The following DCAF16 variants were observed in gnomAD, a reference collection of about 807,000 sequenced individuals.
The protein encoded by DCAF16 is DDB1- and CUL4-associated factor 16.
A neutral mutation model predicts 17.3 loss-of-function variants in DCAF16; 10 were observed. That is an observed-to-expected ratio of 0.58 (90% CI 0.36 to 0.98). The LOEUF is 0.98. Ranked by LOEUF, DCAF16 falls within the 50% of genes least tolerant of loss-of-function variation. The pLI is 0.01. For synonymous variants in DCAF16, 111 were observed against 92.8 expected, an observed-to-expected ratio of 1.20 and a Z score of -1.12; for missense variants, 249 against 247.6, an observed-to-expected ratio of 1.01 and a Z score of -0.04.
chr4:17,808,614 CAA>C (rs76992214), intron 1 of DCAF16, among the ~76,000 whole-genome samples: 2 of 145,580 alleles, frequency 1.4e-5, no homozygotes, highest in African/African-American at 5.0e-5. Context: ...CAAAACAAAA[CAA>C]AAAAAAAAAC....
chr4:17,804,125 G>T lies in DCAF16; in HGVS notation c.17C>A (p.Pro6His), dbSNP rs896363127. MGPRN[P>H]SPDHLSESES... The stretch of plus-strand genomic sequence containing the variant: ...TGATTCTGACAAGTGGTCAGGAGAG[G>T]GATTTCTAGGACCCATCAGAATAAA... Residue 6 changes from proline (P) to histidine (H), a missense_variant, in exon 3 of 3, where the codon CCC becomes CAC. Coordinates refer to ENST00000382247, the MANE Select transcript of DCAF16 (RefSeq NM_017741.4). The T allele has an allele frequency of 1.9e-6, 3 of 1,613,432 alleles. No homozygotes were observed. The highest frequency in any genetic ancestry group is 2.5e-6 in the Non-Finnish European group (3 of 1,179,798).
rs1720011665 is a variant in DCAF16, at chr4:17,803,674, C to CA, written c.467dup (p.Leu156PhefsTer3). The CA allele has an allele frequency of 6.2e-7, 1 of 1,614,040 alleles. No individual in the cohort carries two copies. Among genetic ancestry groups the CA allele is most frequent in the Non-Finnish European group, 8.5e-7 (1 of 1,180,048 alleles). The stretch of plus-strand genomic sequence containing the variant: ...ATTCAGGTATGGGAGTGGCTCTACT[C>CA]AATGTTCGGCTTAGCTGTTTGGTGG... On this transcript the variant is annotated frameshift_variant, in exon 3 of 3. Transcript: ENST00000382247. LOFTEE classifies it high-confidence loss of function.
rs1488024139 is a variant in DCAF16, at chr4:17,801,231, C to G, written c.*2260G>C. On this transcript the variant is annotated 3_prime_UTR_variant, in exon 3 of 3. Coordinates refer to ENST00000382247, the MANE Select transcript of DCAF16 (RefSeq NM_017741.4). ...GCAACCTCCACCTCCCAGGTTCAAGCAATTCTCCTGTCTTAGCCTCCCAAG... is the reference window on the plus strand; with the variant it reads ...GCAACCTCCACCTCCCAGGTTCAAGGAATTCTCCTGTCTTAGCCTCCCAAG... 2 of 152,052 alleles carry G rather than the reference C, an allele frequency of 1.3e-5. No homozygotes were observed. The highest frequency in any genetic ancestry group is 4.8e-5 in the African/African-American group (2 of 41,368). 9.4% of individuals were successfully genotyped at this position (152,052 alleles called of 1,614,324 possible). A position where few individuals can be genotyped will look rare whatever the true frequency, so the allele number is the denominator to read the frequency against.
chr4:17,799,704 C>A (rs1719604473), downstream of DCAF16, among the ~76,000 whole-genome samples: 2 of 152,124 alleles, frequency 1.3e-5, no homozygotes, highest in Non-Finnish European at 2.9e-5. Context: ...ATAGAAGACC[C>A]AGCAGGAAGG....
Position 17,801,955 on chromosome 4 carries a change from T to C in DCAF16, c.*1536A>G, listed in dbSNP as rs1358560891. ...TGTCTCTACTAAAAATACAAAAAAA[T>C]AGCCAGGAGTGGTGGTGGACGCCTG... On this transcript the variant is annotated 3_prime_UTR_variant, in exon 3 of 3. Transcript: ENST00000382247. The C allele has an allele frequency of 3.3e-5, 5 of 151,944 alleles. No homozygotes were observed. Among genetic ancestry groups the C allele is most frequent in the Admixed American group, 2.6e-4 (4 of 15,214 alleles). The allele number at this position is 151,944 out of a possible 1,614,324, so 9.4% of individuals were successfully genotyped here. A position where few individuals can be genotyped will look rare whatever the true frequency, so the allele number is the denominator to read the frequency against.
At position 17,803,743 on chromosome 4, in the gene DCAF16, C is replaced by T. The variant is rs1177186199; in HGVS notation, c.399G>A (p.Arg133=). 5 of 1,614,098 alleles carry T rather than the reference C, an allele frequency of 3.1e-6. No individual in the cohort carries two copies. Among genetic ancestry groups the T allele is most frequent in the Non-Finnish European group, 4.2e-6 (5 of 1,180,038 alleles). ...TTAGAGTGGCATGATCTCTAGAGAG[C>T]CGGCTGGGACTTGTAAGAGGCTTTT... is the stretch of plus-strand genomic sequence containing the variant. The part of the protein sequence containing the change: ...PFQKPLTSPS[R]LSRDHATLNG... Residue 133 remains arginine (R), a synonymous_variant, in exon 3 of 3, where the codon CGG becomes CGA. Coordinates refer to ENST00000382247, the MANE Select transcript of DCAF16 (RefSeq NM_017741.4).
downstream of DCAF16, among the ~76,000 whole-genome samples, chr4:17,796,017 A>C (rs1719409579): frequency 6.6e-6 from 1 of 152,142 alleles, no homozygotes; most frequent in Admixed American, 6.6e-5. Context: ...ACATTCTGTT[A>C]ATCATTTTGT....
At chr4:17,796,695 G>C (rs1418046694), downstream of DCAF16, among the ~76,000 whole-genome samples, 1 of 152,142 alleles carries the variant, frequency 6.6e-6, no homozygotes, top group African/African-American at 2.4e-5. Context: ...GACAGGGTGA[G>C]TCTCCATCTC....
At chr4:17,794,639 A>C in the DCAF16 span, among the ~76,000 whole-genome samples, 142 of 152,342 alleles carry the variant, frequency 9.3e-4, no homozygotes, top group African/African-American at 3.3e-3. Context: ...AACAAATTGA[A>C]AAACTTTTTA....
chr4:17,801,147 T>C lies in DCAF16; in HGVS notation c.*2344A>G, dbSNP rs1450040021. 6.6e-6 allele frequency: 1 copy of C among 152,182 alleles called. No individual in the cohort carries two copies. Among genetic ancestry groups the C allele is most frequent in the Admixed American group, 6.5e-5 (1 of 15,284 alleles). The allele number at this position is 152,182 out of a possible 1,614,324, so 9.4% of individuals were successfully genotyped here. The stretch of plus-strand genomic sequence containing the variant: ...TTGTGATTCCTAACCTTTTTTTTTT[T>C]TGAGACGGTGTCTCACTGTTGCCCA... On this transcript the variant is annotated 3_prime_UTR_variant, in exon 3 of 3. Coordinates refer to ENST00000382247, the MANE Select transcript of DCAF16 (RefSeq NM_017741.4).
At chr4:17,806,577 TACAG>T (rs1720345657) in intron 1 of DCAF16, among the ~76,000 whole-genome samples, 1 of 152,186 alleles carries the variant, frequency 6.6e-6, no homozygotes, top group Non-Finnish European at 1.5e-5. Context: ...TAATTTAAAA[TACAG>T]ACATTCCATG....
At chr4:17,796,906 A>C (rs1183329617), downstream of DCAF16, among the ~76,000 whole-genome samples, 1 of 152,176 alleles carries the variant, frequency 6.6e-6, no homozygotes, top group Non-Finnish European at 1.5e-5. Flanking sequence ...TAAATATATA[A>C]GAAATACAAC....
rs558614709 is a variant in DCAF16, at chr4:17,807,610, A to G, written c.-749-2385T>C. Among the ~76,000 whole-genome samples the G allele has an allele frequency of 3.3e-5, 5 of 152,358 alleles. No individual in the cohort carries two copies. In the South Asian group the frequency reaches 1.0e-3, roughly 32 times the overall value. On this transcript the variant is annotated intron_variant, in intron 1 of 2. Coordinates refer to ENST00000382247, the MANE Select transcript of DCAF16 (RefSeq NM_017741.4). The stretch of plus-strand genomic sequence containing the variant: ...AGAAATTCCCGTATGAACAACATGT[A>G]TGAAGATATACCCTGAAGCTACATC...
At position 17,804,003 on chromosome 4, in the gene DCAF16, A is replaced by T. The variant is rs567145276; in HGVS notation, c.139T>A (p.Ser47Thr). ...EEEDSMVPNL[S>T]PLESLAWQVK... ...TGCCAGGCAAGACTCTCAAGAGGCG[A>T]TAAGTTGGGCACCATAGAGTCCTCT... The change falls in exon 3 of 3, where the codon TCG (serine) becomes ACG (threonine). Residue 47 changes from serine (S) to threonine (T), a missense_variant. Physicochemically the swap from Ser to Thr is moderately conservative, Grantham distance 58. Coordinates refer to ENST00000382247, the MANE Select transcript of DCAF16 (RefSeq NM_017741.4). 1 of 1,614,202 alleles carries T rather than the reference A, an allele frequency of 6.2e-7. No individual in the cohort carries two copies. The highest frequency in any genetic ancestry group is 1.7e-5 in the Admixed American group (1 of 60,020).
chr4:17,809,633 G>A (rs1720673693), intron 1 of DCAF16: 2 of 152,106 alleles, frequency 1.3e-5, no homozygotes, highest in African/African-American at 4.8e-5. Flanking sequence ...TGAGGTGTAG[G>A]AGAGGGAAAA....
chr4:17,806,184 T>A (rs1157886162), intron 1 of DCAF16, among the ~76,000 whole-genome samples: 1 of 152,376 alleles, frequency 6.6e-6, no homozygotes, highest in East Asian at 1.9e-4. Flanking sequence ...ATGTTCCTGA[T>A]CTGAAATTAA....
Position 17,803,942 on chromosome 4 carries a change from T to A in DCAF16, c.200A>T (p.Lys67Ile). 1 of 1,614,168 alleles carries A rather than the reference T, an allele frequency of 6.2e-7. No individual in the cohort carries two copies. Among genetic ancestry groups the A allele is most frequent in the Non-Finnish European group, 8.5e-7 (1 of 1,180,032 alleles). The change falls in exon 3 of 3, where the codon AAA (lysine) becomes ATA (isoleucine). Residue 67 changes from lysine (K) to isoleucine (I), a missense_variant. Lys to Ile is a moderately radical substitution (Grantham distance 102, BLOSUM62 -3). Coordinates refer to ENST00000382247, the MANE Select transcript of DCAF16 (RefSeq NM_017741.4). Reference protein sequence around the residue: ...KCLLKYSTTWKPLNPNSWLYH... With the variant: ...KCLLKYSTTWIPLNPNSWLYH... ...CAACCAGGAATTAGGATTTAAAGGT[T>A]TCCAAGTTGTGGAATATTTTAAAAG...
At chr4:17,809,254 T>A (rs1325865198) in intron 1 of DCAF16, among the ~76,000 whole-genome samples, 5 of 152,216 alleles carry the variant, frequency 3.3e-5, no homozygotes, top group Admixed American at 2.6e-4. Context: ...CTACAGGGTT[T>A]GTGAGCAGTA....
chr4:17,798,631 C>T (rs985428721), downstream of DCAF16, among the ~76,000 whole-genome samples: 3 of 151,960 alleles, frequency 2.0e-5, no homozygotes, highest in Admixed American at 2.0e-4. Flanking sequence ...TAAAAGAAAA[C>T]CAGGCATTCA....
Sources: allele counts gnomAD v4.1 joint callset (sites outside exome capture counted in the v4.1 genomes callset), GRCh38; gene constraint gnomAD v4.1.1; transcripts MANE v1.5; gene names NCBI Gene and HGNC (gene_info 2026-07-23, HGNC 2026-07-21).